Variants in ZFAT observed in about 807,000 individuals in gnomAD.
ZFAT encodes the protein zinc finger and AT-hook domain containing, also known as zinc finger protein ZFAT.
ZFAT carries 64 observed loss-of-function variants against 117.7 expected under a neutral mutation model. The ratio of observed to expected loss-of-function variants is 0.54; its 90% CI spans 0.44 to 0.67. The LOEUF (loss-of-function observed/expected upper bound fraction) is 0.67. Among genes scored for constraint, ZFAT ranks in the 30% least tolerant of loss-of-function variants. The probability of loss-of-function intolerance (pLI) is 0.00; values close to 1 mark genes in which losing one functional copy is unlikely to be tolerated. For synonymous variants in ZFAT, 679 were observed against 615.0 expected, an observed-to-expected ratio of 1.10 and a Z score of -1.54; for missense variants, 1,433 against 1,584.5, an observed-to-expected ratio of 0.90 and a Z score of 1.62.
chr8:134,763,102 A>T, the ZFAT span, among the ~76,000 whole-genome samples: 1 of 152,250 alleles, frequency 6.6e-6, no homozygotes, highest in African/African-American at 2.4e-5. Flanking sequence ...AGTCTTCTGC[A>T]TTAGAAAGAA....
chr8:134,727,336 G>A, the ZFAT span, among the ~76,000 whole-genome samples: 2 of 152,100 alleles, frequency 1.3e-5, no homozygotes, highest in Non-Finnish European at 2.9e-5. Context: ...CTGGTGCAAA[G>A]GTCCTGAGGT....
chr8:134,513,915 A>C (rs969061182), intron 13 of ZFAT, among the ~76,000 whole-genome samples: 1 of 152,266 alleles, frequency 6.6e-6, no homozygotes, highest in African/African-American at 2.4e-5. Context: ...GCATAAATGA[A>C]CAAAAAGAAG....
At chr8:134,485,413 G>A (rs1817596433) in intron 15 of ZFAT, among the ~76,000 whole-genome samples, 1 of 152,192 alleles carries the variant, frequency 6.6e-6, no homozygotes, top group Non-Finnish European at 1.5e-5. Context: ...TCTCTAATGA[G>A]AAGACACTGA....
chr8:134,546,325 G>C (rs1822690445), intron 11 of ZFAT, among the ~76,000 whole-genome samples: 4 of 152,166 alleles, frequency 2.6e-5, no homozygotes, highest in African/African-American at 9.7e-5. Context: ...TTTGGTGGTA[G>C]GACACCTATA....
At chr8:134,803,226 T>G in the ZFAT span, among the ~76,000 whole-genome samples, 1 of 152,206 alleles carries the variant, frequency 6.6e-6, no homozygotes, top group Admixed American at 6.5e-5. Flanking sequence ...TTTCACTGCA[T>G]AAATTATGCA....
rs574339515 is a variant in ZFAT, at chr8:134,679,758, TA to T, written c.20-22022del. 7.0e-3 allele frequency among the ~76,000 whole-genome samples: 1,057 copies of T among 151,976 alleles called. 14 individuals carry two copies. Among genetic ancestry groups the T allele is most frequent in the African/African-American group, 0.022 (921 of 41,438 alleles). On this transcript the variant is annotated intron_variant, in intron 1 of 15. Coordinates refer to ENST00000377838, the MANE Select transcript of ZFAT (RefSeq NM_020863.4). Reference sequence around the variant, plus strand: ...TACACCATGGAATACTATGCAGCCATAAAAAAAGGATGAGTTCATGTCCTTT... The same window carrying T: ...TACACCATGGAATACTATGCAGCCATAAAAAAGGATGAGTTCATGTCCTTT...
chr8:134,608,704 A>C, intron 5 of ZFAT, 25 bp downstream of exon 5: 1 of 1,603,252 alleles, frequency 6.2e-7, no homozygotes, highest in South Asian at 1.1e-5. Flanking sequence ...CTCTGGCTGA[A>C]GTTACACAGA....
intron 3 of ZFAT, among the ~76,000 whole-genome samples, chr8:134,636,815 C>A (rs1420815213): frequency 6.6e-6 from 1 of 152,238 alleles, no homozygotes; most frequent in Non-Finnish European, 1.5e-5. Context: ...CTGACCACAT[C>A]TATCCGCCTT....
intron 7 of ZFAT, among the ~76,000 whole-genome samples, chr8:134,592,362 A>ACTACACC (rs1371949512): frequency 6.6e-6 from 1 of 152,204 alleles, no homozygotes; most frequent in Non-Finnish European, 1.5e-5. Context: ...CAAGGTTCAC[A>ACTACACC]CTACACCGAG....
In ZFAT at chr8:134,583,045, G is replaced by T. The variant is rs1195448359; in HGVS notation, c.2887+787C>A. Among the ~76,000 whole-genome samples the T allele has an allele frequency of 3.3e-5, 5 of 152,118 alleles. No homozygotes were observed. The East Asian group carries it at 9.7e-4, about 29-fold the overall frequency. On this transcript the variant is annotated intron_variant, in intron 10 of 15. Coordinates refer to ENST00000377838, the MANE Select transcript of ZFAT (RefSeq NM_020863.4). The stretch of plus-strand genomic sequence containing the variant: ...TACAGTTTAGCTGCCTGTCTTCCTA[G>T]AACAAATCTTCTTTCCCTCTATCCA...
chr8:134,519,460 A>G (rs1414674599), intron 13 of ZFAT, among the ~76,000 whole-genome samples: 2 of 152,234 alleles, frequency 1.3e-5, no homozygotes, highest in Non-Finnish European at 1.5e-5. Context: ...ATTAGCATAT[A>G]CATATTCTTA....
chr8:134,550,086 T>C (rs569507890), intron 11 of ZFAT, among the ~76,000 whole-genome samples: 9 of 152,116 alleles, frequency 5.9e-5, no homozygotes, highest in Non-Finnish European at 1.0e-4. Context: ...CCCTTCTCCT[T>C]TTCCCAGTGG....
intron 1 of ZFAT, among the ~76,000 whole-genome samples, chr8:134,690,693 C>G (rs1833544838): frequency 1.3e-5 from 2 of 152,156 alleles, no homozygotes; most frequent in Admixed American, 1.3e-4. Flanking sequence ...CAAACCATCC[C>G]CTCAACCCAT....
chr8:134,675,301 G>T (rs1425590473), intron 1 of ZFAT, among the ~76,000 whole-genome samples: 4 of 152,166 alleles, frequency 2.6e-5, no homozygotes, highest in African/African-American at 4.8e-5. Context: ...AAAATTTCAT[G>T]AAGCATATAC....
At chr8:134,713,302 G>C (rs1050926282), upstream of ZFAT, among the ~76,000 whole-genome samples, 1 of 152,250 alleles carries the variant, frequency 6.6e-6, no homozygotes, top group Admixed American at 6.5e-5. Context: ...CGCGACCCTA[G>C]ACCCGCGGCA....
chr8:134,628,686 T>A (rs1272622371), intron 3 of ZFAT, among the ~76,000 whole-genome samples: 1 of 152,214 alleles, frequency 6.6e-6, no homozygotes, highest in Non-Finnish European at 1.5e-5. Flanking sequence ...AGCATATTAA[T>A]ACAGCAGTCT....
the ZFAT span, among the ~76,000 whole-genome samples, chr8:134,725,195 C>T: frequency 3.9e-5 from 6 of 152,180 alleles, no homozygotes; most frequent in East Asian, 3.9e-4. Context: ...CGTTATGGCT[C>T]GTTTAACTAC....
At chr8:134,652,092 C>T (rs1227003943) in intron 2 of ZFAT, among the ~76,000 whole-genome samples, 1 of 152,156 alleles carries the variant, frequency 6.6e-6, no homozygotes, top group African/African-American at 2.4e-5. Context: ...CTGAGGCAGG[C>T]AGATCACGTG....
At chr8:134,542,970 T>C (rs1244941598) in intron 11 of ZFAT, among the ~76,000 whole-genome samples, 1 of 141,482 alleles carries the variant, frequency 7.1e-6, no homozygotes, top group East Asian at 2.1e-4. Flanking sequence ...TGGTGTAATG[T>C]ACAAATCCCC....
Sources: gnomAD v4.1 joint callset for allele counts (sites outside exome capture counted in the v4.1 genomes callset) on GRCh38, gnomAD v4.1.1 for gene constraint, MANE v1.5 for transcripts, NCBI Gene and HGNC (gene_info 2026-07-23, HGNC 2026-07-21) for gene names.